Variants in WWOX observed in about 807,000 individuals in gnomAD.
WWOX encodes the protein WW domain-containing oxidoreductase.
Under a neutral mutation model 46.2 loss-of-function variants are expected in WWOX, and 69 were observed. The observed-to-expected ratio is 1.49, with a 90% confidence interval of 1.23 to 1.82. The LOEUF (loss-of-function observed/expected upper bound fraction) is 1.82, where lower values mean the gene tolerates loss of function less well. Among genes scored for constraint, WWOX ranks in the 40% most tolerant of loss-of-function variants. WWOX has a pLI of 0.00. For synonymous variants in WWOX, 359 were observed against 202.6 expected (o/e 1.77, Z -6.56); for missense variants, 919 against 542.6 (o/e 1.69, Z -6.89).
intron 8 of WWOX, among the ~76,000 whole-genome samples, chr16:78,871,196 G>A (rs1236928734): frequency 1.3e-5 from 2 of 149,308 alleles, no homozygotes; most frequent in East Asian, 2.0e-4. Flanking sequence ...TTTTAATGAG[G>A]CAATCAGGGG....
chr16:78,671,221 G>A (rs1335860980), intron 8 of WWOX, among the ~76,000 whole-genome samples: 3 of 152,090 alleles, frequency 2.0e-5, no homozygotes, highest in African/African-American at 7.2e-5. Flanking sequence ...CCAGGAGTTC[G>A]AGACCAGCCT....
chr16:78,521,268 G>GC (rs1287909452), intron 8 of WWOX, among the ~76,000 whole-genome samples: 9 of 152,208 alleles, frequency 5.9e-5, no homozygotes, highest in African/African-American at 2.2e-4. Flanking sequence ...TGTTGCCCAG[G>GC]CTGGTCTCTA....
Position 78,671,967 on chromosome 16 carries a change from T to C in WWOX, c.1056+239215T>C, listed in dbSNP as rs146515209. Among the ~76,000 whole-genome samples, 556 of 152,162 alleles carry C rather than the reference T, an allele frequency of 3.7e-3. 3 individuals carry two copies. Among genetic ancestry groups the C allele is most frequent in the African/African-American group, 0.013 (521 of 41,532 alleles). Reference sequence around the variant, plus strand: ...GCCTTCAACTGGGTAGTGGAAAAAATATGATCCTTGGCAGTCTACTACGCA... The same window carrying C: ...GCCTTCAACTGGGTAGTGGAAAAAACATGATCCTTGGCAGTCTACTACGCA... On this transcript the variant is annotated intron_variant, in intron 8 of 8. Transcript: ENST00000566780.
At chr16:79,043,780 G>T (rs1324618059) in intron 8 of WWOX, among the ~76,000 whole-genome samples, 1 of 152,122 alleles carries the variant, frequency 6.6e-6, no homozygotes, top group African/African-American at 2.4e-5. Context: ...TTCTTTCTCT[G>T]GTCCTCAGTT....
chr16:78,409,444 G>C (rs1212779298), intron 6 of WWOX, among the ~76,000 whole-genome samples: 2 of 152,028 alleles, frequency 1.3e-5, no homozygotes, highest in African/African-American at 4.8e-5. Context: ...TCTCTGCAAT[G>C]TTACATAAAC....
At chr16:78,475,121 C>G (rs959222939) in intron 8 of WWOX, among the ~76,000 whole-genome samples, 1 of 152,158 alleles carries the variant, frequency 6.6e-6, no homozygotes, top group Admixed American at 6.5e-5. Context: ...TTCTTAAACT[C>G]TCCCTCAATA....
At chr16:78,265,678 CA>C (rs61417547) in intron 5 of WWOX, among the ~76,000 whole-genome samples, 192 of 132,350 alleles carry the variant, frequency 1.5e-3, no homozygotes, top group African/African-American at 1.9e-3. Context: ...AACTCCATGT[CA>C]AAAAAAAAAA....
At position 78,806,145 on chromosome 16, in the gene WWOX, G is replaced by A. The variant is rs1043584308; in HGVS notation, c.1056+373393G>A. On this transcript the variant is annotated intron_variant, in intron 8 of 8. Coordinates refer to ENST00000566780, the MANE Select transcript of WWOX (RefSeq NM_016373.4). ...CTGTCTGTTTTCTTTTCTTTCAAAT[G>A]TTTCACTTAATTCCCTGATATAATA... Among the ~76,000 whole-genome samples, 4 of 152,062 alleles carry A rather than the reference G, an allele frequency of 2.6e-5. No homozygotes were observed. The East Asian group carries it at 7.7e-4, about 29-fold the overall frequency.
At chr16:79,098,677 G>T (rs747467394) in intron 8 of WWOX, among the ~76,000 whole-genome samples, 1 of 152,152 alleles carries the variant, frequency 6.6e-6, no homozygotes, top group Non-Finnish European at 1.5e-5. Context: ...GTAGAAGAAG[G>T]AATTGCACAC....
chr16:78,134,122 A>G (rs2033706678), intron 4 of WWOX, among the ~76,000 whole-genome samples: 1 of 152,178 alleles, frequency 6.6e-6, no homozygotes, highest in South Asian at 2.1e-4. Flanking sequence ...GAAATGGCAA[A>G]CATTGTTAAT....
intron 8 of WWOX, among the ~76,000 whole-genome samples, chr16:79,022,344 CAAAA>C (rs10654627): frequency 5.3e-4 from 38 of 71,214 alleles, no homozygotes; most frequent in Non-Finnish European, 7.4e-4. Context: ...CAATCTGTGG[CAAAA>C]AAAAAAAAAA....
At chr16:78,857,570 T>C (rs967152373) in intron 8 of WWOX, among the ~76,000 whole-genome samples, 2 of 152,190 alleles carry the variant, frequency 1.3e-5, no homozygotes, top group Non-Finnish European at 2.9e-5. Context: ...TGACTGTCGG[T>C]CAAGAGTCTA....
At position 78,618,663 on chromosome 16, in the gene WWOX, AC is replaced by A. The variant is rs554700490; in HGVS notation, c.1056+185912del. 9.9e-5 allele frequency among the ~76,000 whole-genome samples: 15 copies of A among 152,246 alleles called. No homozygotes were observed. In the South Asian group the frequency reaches 3.1e-3, roughly 32 times the overall value. ...CGCTCTCATAAGAGACCTCTTCTCA[AC>A]AGGATCCATGTTTGATCCGGGGGAA... On this transcript the variant is annotated intron_variant, in intron 8 of 8. Transcript: ENST00000566780.
At chr16:78,442,543 A>C (rs1450984402) in intron 8 of WWOX, among the ~76,000 whole-genome samples, 2 of 152,078 alleles carry the variant, frequency 1.3e-5, no homozygotes, top group Non-Finnish European at 2.9e-5. Flanking sequence ...GTGAGATCAT[A>C]GAGTATTTGT....
intron 8 of WWOX, among the ~76,000 whole-genome samples, chr16:78,493,742 A>G (rs917487584): frequency 2.0e-4 from 30 of 152,298 alleles, no homozygotes; most frequent in African/African-American, 7.0e-4. Flanking sequence ...CATTGTAGAG[A>G]TGAGAAAACT....
intron 8 of WWOX, among the ~76,000 whole-genome samples, chr16:78,849,741 A>G (rs1275232343): frequency 6.6e-6 from 1 of 151,814 alleles, no homozygotes; most frequent in African/African-American, 2.4e-5. Context: ...CGAGGTTTAT[A>G]TTGTTCTTAC....
chr16:79,133,841 G>GT (rs1222382985), intron 8 of WWOX, among the ~76,000 whole-genome samples: 1 of 152,154 alleles, frequency 6.6e-6, no homozygotes, highest in Non-Finnish European at 1.5e-5. Context: ...CTCAGTAAAT[G>GT]TTTTTTTCAA....
At chr16:79,207,163 C>T (rs1306940148) in intron 8 of WWOX, among the ~76,000 whole-genome samples, 2 of 152,208 alleles carry the variant, frequency 1.3e-5, no homozygotes, top group Admixed American at 1.3e-4. Context: ...ATCTCCACCG[C>T]AGCAGCTCTC....
intron 8 of WWOX, among the ~76,000 whole-genome samples, chr16:78,556,107 G>C (rs1212248238): frequency 6.6e-6 from 1 of 152,008 alleles, no homozygotes; most frequent in Non-Finnish European, 1.5e-5. Context: ...GGTACCTAGA[G>C]GGTCAATTAG....
Sources: allele counts gnomAD v4.1 joint callset (sites outside exome capture counted in the v4.1 genomes callset), GRCh38; gene constraint gnomAD v4.1.1; transcripts MANE v1.5; gene names NCBI Gene and HGNC (gene_info 2026-07-23, HGNC 2026-07-21).